DOCK4: variants seen among roughly 807,000 people sequenced by gnomAD.
DOCK4 encodes the protein dedicator of cytokinesis protein 4.
A neutral mutation model predicts 268.1 loss-of-function variants in DOCK4; 97 were observed. The observed-to-expected ratio is 0.36, with a 90% CI of 0.31 to 0.43. DOCK4 has a LOEUF of 0.43. Ranked by LOEUF, DOCK4 falls within the 20% of genes least tolerant of loss-of-function variation. The probability of loss-of-function intolerance (pLI) is 1.00; values close to 1 mark genes in which losing one functional copy is unlikely to be tolerated. For missense variants in DOCK4, 2,145 were observed against 2,455.7 expected, an observed-to-expected ratio of 0.87 and a Z score of 2.67; for synonymous variants, 954 against 887.2, an observed-to-expected ratio of 1.08 and a Z score of -1.34.
chr7:111,887,443 G>C (rs183830805), intron 16 of DOCK4, among the ~76,000 whole-genome samples: 21 of 152,248 alleles, frequency 1.4e-4, no homozygotes, highest in African/African-American at 4.6e-4. Context: ...CAACATTTAA[G>C]GTATCCATAA....
At chr7:111,834,461 GA>G in intron 26 of DOCK4, 126 bp downstream of exon 26, 1 of 741,966 alleles carries the variant, frequency 1.3e-6, no homozygotes, top group Non-Finnish European at 2.1e-6. Context: ...ATGAGGCTGA[GA>G]AAAACAGCTT....
At chr7:111,918,214 T>A (rs1353697255) in intron 12 of DOCK4, among the ~76,000 whole-genome samples, 1 of 152,168 alleles carries the variant, frequency 6.6e-6, no homozygotes, top group Non-Finnish European at 1.5e-5. Flanking sequence ...GACGACATGA[T>A]CGTGTCCTCA....
chr7:112,091,044 A>C (rs1221703063), intron 1 of DOCK4, among the ~76,000 whole-genome samples: 1 of 151,222 alleles, frequency 6.6e-6, no homozygotes, highest in Non-Finnish European at 1.5e-5. Context: ...CAAACATTAG[A>C]CTGAAGAGGT....
chr7:111,931,069 G>A (rs182351840), intron 12 of DOCK4, among the ~76,000 whole-genome samples: 15 of 152,262 alleles, frequency 9.9e-5, no homozygotes, highest in African/African-American at 1.9e-4. Flanking sequence ...TGCAGGCTGC[G>A]TGGGCCTGGC....
intron 12 of DOCK4, among the ~76,000 whole-genome samples, chr7:111,934,830 C>T (rs1020073715): frequency 3.3e-5 from 5 of 150,864 alleles, no homozygotes; most frequent in South Asian, 2.1e-4. Context: ...TGAGCCACTG[C>T]GCCCGGCCGC....
intron 13 of DOCK4, among the ~76,000 whole-genome samples, chr7:111,909,541 T>C (rs1217674403): frequency 3.3e-5 from 5 of 152,242 alleles, no homozygotes; most frequent in African/African-American, 9.6e-5. Flanking sequence ...CCATGAATGA[T>C]AGACTGGATA....
chr7:111,738,183 C>T (rs1307965751), intron 49 of DOCK4, among the ~76,000 whole-genome samples: 3 of 152,224 alleles, frequency 2.0e-5, no homozygotes, highest in African/African-American at 7.2e-5. Flanking sequence ...TGCCCAAGGG[C>T]TGAGCCCAAG....
chr7:111,866,348 T>A (rs1277771180), intron 22 of DOCK4, among the ~76,000 whole-genome samples: 1 of 152,196 alleles, frequency 6.6e-6, no homozygotes, highest in Non-Finnish European at 1.5e-5. Context: ...AAAAGAAACA[T>A]CAATTATCAC....
chr7:111,976,270 T>TATATATAC (rs1491571159), intron 8 of DOCK4, among the ~76,000 whole-genome samples: 17 of 868 alleles, frequency 0.02, no homozygotes, highest in Non-Finnish European at 0.081. Context: ...GTGTGTCTAT[T>TATATATAC]ATATATATAT....
intron 1 of DOCK4, among the ~76,000 whole-genome samples, chr7:112,017,419 A>T (rs568358577): frequency 6.6e-6 from 1 of 152,228 alleles, no homozygotes; most frequent in African/African-American, 2.4e-5. Context: ...ATAATTACAC[A>T]TGTAATGAAA....
At chr7:112,017,978 A>G (rs2135394427) in intron 1 of DOCK4, among the ~76,000 whole-genome samples, 1 of 151,992 alleles carries the variant, frequency 6.6e-6, no homozygotes, top group South Asian at 2.1e-4. Context: ...CGAGGTCAGG[A>G]GAGCGAGACC....
intron 1 of DOCK4, among the ~76,000 whole-genome samples, chr7:112,073,289 G>A (rs1411821011): frequency 6.6e-6 from 1 of 151,888 alleles, no homozygotes; most frequent in Non-Finnish European, 1.5e-5. Context: ...CCACTACTGG[G>A]TATTTACCCA....
intron 1 of DOCK4, among the ~76,000 whole-genome samples, chr7:112,114,032 T>G (rs1811909862): frequency 6.6e-6 from 1 of 152,158 alleles, no homozygotes; most frequent in African/African-American, 2.4e-5. Flanking sequence ...GTACTACTGT[T>G]TTTTAAGTCC....
rs112729514 is a variant in DOCK4, at chr7:111,976,893, T to C, written c.701+239A>G. The C allele has an allele frequency of 2.2e-3, 773 of 345,116 alleles. 5 individuals carry two copies. The highest frequency in any genetic ancestry group is 0.014 in the African/African-American group (690 of 47,966). The allele number at this position is 345,116 out of a possible 1,614,324, so 21.4% of individuals were successfully genotyped here. On this transcript the variant is annotated intron_variant, in intron 8 of 52. Transcript: ENST00000428084. ...TTTGATATCCATGCCATACTTCCAT[T>C]TAATATCAATTATTCTGATTCTATA...
intron 47 of DOCK4, chr7:111,739,899 A>G (rs1795786069): frequency 3.3e-6 from 1 of 301,452 alleles, no homozygotes; most frequent in South Asian, 2.7e-5. Flanking sequence ...GATAGTGGTG[A>G]GGAAAATTTC....
intron 24 of DOCK4, among the ~76,000 whole-genome samples, chr7:111,845,376 T>C (rs1804019666): frequency 1.3e-5 from 2 of 152,228 alleles, no homozygotes; most frequent in Non-Finnish European, 2.9e-5. Context: ...TTAAAAATCT[T>C]TGCATGTAAA....
At chr7:112,125,761 G>C (rs1484514588) in intron 1 of DOCK4, among the ~76,000 whole-genome samples, 1 of 152,082 alleles carries the variant, frequency 6.6e-6, no homozygotes, top group Non-Finnish European at 1.5e-5. Context: ...GCATGGCACT[G>C]CACTCAATAT....
At chr7:111,788,832 A>G (rs761310282) in intron 31 of DOCK4, 85 bp from the exon 32 acceptor site, 5 of 1,222,014 alleles carry the variant, frequency 4.1e-6, no homozygotes, top group Non-Finnish European at 5.9e-6. Context: ...CTTTGTGCCA[A>G]GGAAAAAGCC....
At chr7:111,818,289 C>T (rs1801711248) in intron 27 of DOCK4, among the ~76,000 whole-genome samples, 1 of 152,192 alleles carries the variant, frequency 6.6e-6, no homozygotes, top group Non-Finnish European at 1.5e-5. Flanking sequence ...AACATCATCC[C>T]TGAGCTCCAT....
Sources: gnomAD v4.1 joint callset for allele counts (sites outside exome capture counted in the v4.1 genomes callset) on GRCh38, gnomAD v4.1.1 for gene constraint, MANE v1.5 for transcripts, NCBI Gene and HGNC (gene_info 2026-07-23, HGNC 2026-07-21) for gene names.